The following SLC39A11 variants were observed in gnomAD, a reference collection of about 807,000 sequenced individuals.
SLC39A11 encodes zinc transporter ZIP11.
SLC39A11 carries 33 observed loss-of-function variants against 36.1 expected under a neutral mutation model. That is an observed-to-expected ratio of 0.91 (90% CI 0.69 to 1.22). SLC39A11 has a LOEUF of 1.22. Among genes scored for constraint, SLC39A11 ranks in the 50% most tolerant of loss-of-function variants. The pLI, the probability that SLC39A11 is intolerant of heterozygous loss-of-function variation, is 0.00. For synonymous variants in SLC39A11, 166 were observed against 170.3 expected (o/e 0.97, Z 0.20); for missense variants, 432 against 430.3 (o/e 1.00, Z -0.03).
chr17:72,899,254 C>A (rs1397543778), intron 5 of SLC39A11, among the ~76,000 whole-genome samples: 1 of 151,708 alleles, frequency 6.6e-6, no homozygotes, highest in Non-Finnish European at 1.5e-5. Flanking sequence ...CCTTGCCCCT[C>A]CCCTGCCACC....
At chr17:72,949,144 C>CTTTTTTTTTTGTTTTTTTTTT (rs2085663867) in intron 4 of SLC39A11, among the ~76,000 whole-genome samples, 1 of 36,474 alleles carries the variant, frequency 2.7e-5, no homozygotes, top group Non-Finnish European at 5.4e-5. Flanking sequence ...CACTGGGCAG[C>CTTTTTTTTTTGTTTTTTTTTT]TTTTTTTTTT....
chr17:73,054,497 C>G (rs1043497191), intron 3 of SLC39A11, among the ~76,000 whole-genome samples: 1 of 152,094 alleles, frequency 6.6e-6, no homozygotes, highest in African/African-American at 2.4e-5. Context: ...TGAAAGAGAC[C>G]GCCTCTGCCC....
intron 6 of SLC39A11, among the ~76,000 whole-genome samples, chr17:72,756,771 T>C (rs2075374353): frequency 6.6e-6 from 1 of 152,154 alleles, no homozygotes; most frequent in African/African-American, 2.4e-5. Context: ...AAATAGTTAA[T>C]TAAGATGGTA....
At chr17:72,907,260 C>T (rs574588265) in intron 5 of SLC39A11, among the ~76,000 whole-genome samples, 15 of 152,260 alleles carry the variant, frequency 9.9e-5, no homozygotes, top group African/African-American at 3.1e-4. Flanking sequence ...GAGGCCGAGG[C>T]GGGCGCATCA....
chr17:72,648,096 G>A (rs1294553515), intron 9 of SLC39A11, among the ~76,000 whole-genome samples: 6 of 152,048 alleles, frequency 3.9e-5, no homozygotes, highest in Admixed American at 6.6e-5. Flanking sequence ...TTGAGAGGCC[G>A]AGGCAGGCAG....
intron 5 of SLC39A11, among the ~76,000 whole-genome samples, chr17:72,931,803 C>T (rs1552847): frequency 0.052 from 7,905 of 152,226 alleles, 661 homozygotes; most frequent in African/African-American, 0.18. Context: ...GACTCAAATG[C>T]TTACGACTTC....
intron 4 of SLC39A11, among the ~76,000 whole-genome samples, chr17:72,979,301 C>G (rs2088112655): frequency 6.6e-6 from 1 of 152,196 alleles, no homozygotes; most frequent in African/African-American, 2.4e-5. Flanking sequence ...AATTAAACCT[C>G]CTTCCTTTAT....
At chr17:72,838,172 C>T (rs2078650792) in intron 6 of SLC39A11, 1 of 398,918 alleles carries the variant, frequency 2.5e-6, no homozygotes, top group East Asian at 3.6e-5. Flanking sequence ...ATGGTGGTTG[C>T]ACAACCTTTC....
At chr17:72,990,474 G>C (rs1456284338) in intron 4 of SLC39A11, among the ~76,000 whole-genome samples, 1 of 152,074 alleles carries the variant, frequency 6.6e-6, no homozygotes, top group Non-Finnish European at 1.5e-5. Flanking sequence ...CTGGAGTGTA[G>C]TGGCGTGATC....
At chr17:73,021,979 C>A (rs940303734) in intron 4 of SLC39A11, among the ~76,000 whole-genome samples, 1 of 152,250 alleles carries the variant, frequency 6.6e-6, no homozygotes, top group African/African-American at 2.4e-5. Flanking sequence ...GCCAGACCCA[C>A]GGGGTCCTCC....
intron 6 of SLC39A11, among the ~76,000 whole-genome samples, chr17:72,830,171 T>C (rs1194499950): frequency 6.6e-6 from 1 of 152,220 alleles, no homozygotes; most frequent in Non-Finnish European, 1.5e-5. Context: ...TTGCTACCAC[T>C]GATAAATGAA....
intron 7 of SLC39A11, among the ~76,000 whole-genome samples, chr17:72,717,106 G>GTATGTATA (rs938418587): frequency 1.4e-5 from 2 of 143,742 alleles, no homozygotes; most frequent in Non-Finnish European, 3.0e-5. Context: ...ACTTATATGT[G>GTATGTATA]TATGTATATA....
rs991711004 is a variant in SLC39A11, at chr17:73,031,255, G to A, written c.306+301C>T. ...AATAAAACCCAGCACCACAGTGATC[G>A]TTCTAGGTCCTCTCATATATATACA... On this transcript the variant is annotated intron_variant, in intron 4 of 9. Transcript: ENST00000255559. 4.4e-5 allele frequency among the ~76,000 whole-genome samples: 5 copies of A among 112,592 alleles called. No homozygotes were observed. In the South Asian group the frequency reaches 9.2e-4, roughly 21 times the overall value. 73.9% of individuals were successfully genotyped at this position (112,592 alleles called of 152,430 possible).
chr17:73,027,409 G>T (rs1423977349), intron 4 of SLC39A11, among the ~76,000 whole-genome samples: 1 of 152,126 alleles, frequency 6.6e-6, no homozygotes, highest in Non-Finnish European at 1.5e-5. Context: ...GACGCCATTT[G>T]GCAAAGTCTC....
At chr17:72,900,978 AAC>A (rs1314242694) in intron 5 of SLC39A11, among the ~76,000 whole-genome samples, 13 of 42,116 alleles carry the variant, frequency 3.1e-4, no homozygotes, top group Middle Eastern at 0.011. Context: ...ACAAACAAAC[AAC>A]AAAAAAAAAA....
At chr17:72,713,670 T>A (rs2073210456) in intron 7 of SLC39A11, among the ~76,000 whole-genome samples, 1 of 152,196 alleles carries the variant, frequency 6.6e-6, no homozygotes, top group Non-Finnish European at 1.5e-5. Context: ...AACCCCTATA[T>A]CTAATTGGAC....
intron 1 of SLC39A11, 36 bp from the exon 2 acceptor site, chr17:73,088,811 G>A (rs2060829921): frequency 1.4e-6 from 2 of 1,456,096 alleles, no homozygotes; most frequent in Non-Finnish European, 9.4e-7. Flanking sequence ...GCCACCGGTG[G>A]TCCGTTTCAG....
chr17:72,729,404 T>C (rs1487756515), intron 7 of SLC39A11, among the ~76,000 whole-genome samples: 1 of 43,880 alleles, frequency 2.3e-5, no homozygotes, highest in Non-Finnish European at 4.8e-5. Flanking sequence ...CACCTGGCTA[T>C]TTATATATAT....
chr17:72,980,754 G>A (rs577094097), intron 4 of SLC39A11, among the ~76,000 whole-genome samples: 8 of 152,308 alleles, frequency 5.3e-5, no homozygotes, highest in African/African-American at 1.7e-4. Context: ...GCTGGGCACG[G>A]TGGCTCATGC....
Sources: gnomAD v4.1 joint callset for allele counts (sites outside exome capture counted in the v4.1 genomes callset) on GRCh38, gnomAD v4.1.1 for gene constraint, MANE v1.5 for transcripts, NCBI Gene and HGNC (gene_info 2026-07-23, HGNC 2026-07-21) for gene names.